Variants in DCC observed in about 807,000 individuals in gnomAD.
DCC encodes the protein netrin receptor DCC.
DCC carries 58 observed loss-of-function variants against 172.5 expected under a neutral mutation model. The ratio of observed to expected loss-of-function variants is 0.34; its 90% CI spans 0.27 to 0.42. DCC has a LOEUF of 0.42. DCC is among the 10% of genes least tolerant of loss of function. DCC has a pLI of 1.00. For synonymous variants in DCC, 709 were observed against 644.5 expected, an observed-to-expected ratio of 1.10 and a Z score of -1.52; for missense variants, 1,740 against 1,791.0, an observed-to-expected ratio of 0.97 and a Z score of 0.51.
chr18:53,397,272 TA>T (rs746567247), intron 17 of DCC, 35 bp from the exon 18 acceptor site: 1 of 1,600,636 alleles, frequency 6.2e-7, no homozygotes, highest in African/African-American at 1.3e-5. Context: ...TGATAGAGTT[TA>T]TTTTTTATCT....
At chr18:52,662,297 G>A (rs1050520596) in intron 1 of DCC, among the ~76,000 whole-genome samples, 1 of 152,236 alleles carries the variant, frequency 6.6e-6, no homozygotes. Flanking sequence ...GTGCATCACA[G>A]CATTTCTTGA....
intron 1 of DCC, among the ~76,000 whole-genome samples, chr18:52,682,274 C>T (rs571260640): frequency 1.3e-4 from 20 of 152,174 alleles, no homozygotes; most frequent in African/African-American, 4.6e-4. Context: ...CATCCCAGTG[C>T]CTTTACTCTA....
At chr18:53,124,986 G>A (rs1327456205) in intron 7 of DCC, among the ~76,000 whole-genome samples, 2 of 151,422 alleles carry the variant, frequency 1.3e-5, no homozygotes, top group Non-Finnish European at 2.9e-5. Context: ...AAAAAATGAT[G>A]CTATCATCAT....
At chr18:53,239,881 C>A (rs1338773203) in intron 12 of DCC, among the ~76,000 whole-genome samples, 1 of 151,772 alleles carries the variant, frequency 6.6e-6, no homozygotes, top group Non-Finnish European at 1.5e-5. Flanking sequence ...TGTAAAAGTG[C>A]TACATAAGTA....
intron 7 of DCC, among the ~76,000 whole-genome samples, chr18:53,136,251 A>G (rs2043740971): frequency 6.6e-6 from 1 of 151,894 alleles, no homozygotes; most frequent in Non-Finnish European, 1.5e-5. Context: ...GCATATATAC[A>G]CACACATACA....
At chr18:52,977,896 G>A (rs1185231343) in intron 5 of DCC, among the ~76,000 whole-genome samples, 10 of 142,426 alleles carry the variant, frequency 7.0e-5, no homozygotes, top group Non-Finnish European at 6.1e-5. Context: ...AAAAAAAAAA[G>A]AAAAGAAAAA....
intron 12 of DCC, among the ~76,000 whole-genome samples, chr18:53,296,166 G>A (rs2057065159): frequency 6.6e-6 from 1 of 152,106 alleles, no homozygotes; most frequent in Admixed American, 6.6e-5. Context: ...TCTTGGCATT[G>A]CTACTGTACG....
At chr18:53,136,209 C>CTATCTATCTATCTATCTATA (rs1052070144) in intron 7 of DCC, among the ~76,000 whole-genome samples, 16 of 144,400 alleles carry the variant, frequency 1.1e-4, no homozygotes, top group South Asian at 2.2e-4. Flanking sequence ...ATCTATCTAT[C>CTATCTATCTATCTATCTATA]TATATATATA....
chr18:53,227,013 G>T (rs1158977902), intron 12 of DCC, among the ~76,000 whole-genome samples: 1 of 142,492 alleles, frequency 7.0e-6, no homozygotes, highest in Non-Finnish European at 1.5e-5. Flanking sequence ...GCAGTGGTGT[G>T]ATCTTGACTC....
intron 1 of DCC, among the ~76,000 whole-genome samples, chr18:52,540,647 C>T (rs1174657442): frequency 9.0e-6 from 1 of 110,526 alleles, no homozygotes; most frequent in Admixed American, 1.3e-4. Flanking sequence ...TGCTCTTTCG[C>T]CCAAGCCGGA....
At chr18:52,975,980 G>A (rs1169816775) in intron 5 of DCC, among the ~76,000 whole-genome samples, 1 of 152,166 alleles carries the variant, frequency 6.6e-6, no homozygotes, top group Admixed American at 6.5e-5. Flanking sequence ...CACCAACAGT[G>A]TGTAAACATT....
At chr18:52,720,335 T>C (rs1188634402) in intron 1 of DCC, among the ~76,000 whole-genome samples, 1 of 152,202 alleles carries the variant, frequency 6.6e-6, no homozygotes, top group Non-Finnish European at 1.5e-5. Flanking sequence ...CGCTCTATGC[T>C]CATTTGTTGT....
At chr18:53,288,940 C>T (rs1174789007) in intron 12 of DCC, among the ~76,000 whole-genome samples, 1 of 152,022 alleles carries the variant, frequency 6.6e-6, no homozygotes, top group Non-Finnish European at 1.5e-5. Context: ...TATTAACAGG[C>T]CACATTCTGC....
At chr18:53,342,944 G>T (rs2057678703) in intron 15 of DCC, among the ~76,000 whole-genome samples, 1 of 130,008 alleles carries the variant, frequency 7.7e-6, no homozygotes, top group South Asian at 2.6e-4. Context: ...TGGATTTATA[G>T]ATGTATTATA....
chr18:52,782,373 G>A (rs1362176587), intron 2 of DCC, among the ~76,000 whole-genome samples: 1 of 150,002 alleles, frequency 6.7e-6, no homozygotes, highest in Non-Finnish European at 1.5e-5. Flanking sequence ...TGAGACACGT[G>A]CTTATAATAA....
intron 2 of DCC, among the ~76,000 whole-genome samples, chr18:52,770,314 T>C (rs1027135711): frequency 1.3e-5 from 2 of 152,212 alleles, no homozygotes; most frequent in Non-Finnish European, 2.9e-5. Context: ...TAAACGCAGC[T>C]GCCTTTGGTT....
chr18:53,510,370 T>C (rs2144526613), intron 27 of DCC, among the ~76,000 whole-genome samples: 1 of 152,322 alleles, frequency 6.6e-6, no homozygotes, highest in Non-Finnish European at 1.5e-5. Context: ...ATAGTGATAA[T>C]GTTAAATCAC....
chr18:53,367,954 T>C (rs1275719387), intron 15 of DCC, among the ~76,000 whole-genome samples: 1 of 152,136 alleles, frequency 6.6e-6, no homozygotes, highest in African/African-American at 2.4e-5. Flanking sequence ...AGAAATGGAA[T>C]TGCTAGATCA....
At chr18:52,417,112 T>G (rs571982533) in intron 1 of DCC, among the ~76,000 whole-genome samples, 124 of 152,290 alleles carry the variant, frequency 8.1e-4, no homozygotes, top group Middle Eastern at 3.4e-3. Flanking sequence ...TAAAGTATTT[T>G]ATTTCTCCTT....
Sources: gnomAD v4.1 joint callset for allele counts (sites outside exome capture counted in the v4.1 genomes callset) on GRCh38, gnomAD v4.1.1 for gene constraint, MANE v1.5 for transcripts, NCBI Gene and HGNC (gene_info 2026-07-23, HGNC 2026-07-21) for gene names.